Variants in OR2AT4 observed in about 807,000 individuals in gnomAD.
OR2AT4 encodes olfactory receptor 2AT4.
OR2AT4 carries 6 observed loss-of-function variants against 10.3 expected under a neutral mutation model. That is an observed-to-expected ratio of 0.58 (90% CI 0.32 to 1.15). The LOEUF (loss-of-function observed/expected upper bound fraction) is 1.15. Among genes scored for constraint, OR2AT4 ranks in the 50% most tolerant of loss-of-function variants. The probability of loss-of-function intolerance (pLI) is 0.05; values close to 1 mark genes in which losing one functional copy is unlikely to be tolerated. For missense variants in OR2AT4, 354 were observed against 393.8 expected (o/e 0.90, Z 0.85); for synonymous variants, 145 against 159.1 (o/e 0.91, Z 0.67).
exon 2 of OR2AT4, chr11:75,089,262 G>A: frequency 2.5e-6 from 4 of 1,614,204 alleles, no homozygotes; most frequent in Non-Finnish European, 3.4e-6. Flanking sequence ...CCAGGCACTG[G>A]CTGCCAAGGT....
exon 2 of OR2AT4, chr11:75,084,804 G>A (rs1371028228): frequency 6.6e-6 from 1 of 152,118 alleles, no homozygotes; most frequent in African/African-American, 2.4e-5. Flanking sequence ...CAATTAGGAT[G>A]TTTTAGGGGA....
chr11:75,088,541 T>C (rs2140278838), exon 2 of OR2AT4: 1 of 401,688 alleles, frequency 2.5e-6, no homozygotes. Context: ...TTTATTTGTT[T>C]TTTGACTTTG....
exon 2 of OR2AT4, chr11:75,081,914 AT>A (rs1192708474): frequency 1.3e-5 from 2 of 152,224 alleles, no homozygotes; most frequent in African/African-American, 4.8e-5. Flanking sequence ...ATGCTCATGA[AT>A]TGGAAGAATC....
rs951829161 is a variant in OR2AT4 at position 75,089,930 on chromosome 11, T to G, written c.-217A>C. On this transcript the variant is annotated 5_prime_UTR_variant, in exon 2 of 2. Transcript: ENST00000641504. ...TGTGAACGCAAAATTTGTCAAATAT[T>G]GATTATTAATTAATTAATAACCAAC... The G allele has an allele frequency of 7.7e-6, 4 of 517,954 alleles. No individual in the cohort carries two copies. In the Admixed American group the frequency reaches 1.4e-4, roughly 18 times the overall value. 32.1% of individuals were successfully genotyped at this position (517,954 alleles called of 1,614,324 possible). A position where few individuals can be genotyped will look rare whatever the true frequency, so the allele number is the denominator to read the frequency against.
chr11:75,089,015 G>T, exon 2 of OR2AT4: 1 of 1,614,188 alleles, frequency 6.2e-7, no homozygotes, highest in Middle Eastern at 1.6e-4. Flanking sequence ...CTAGGGAACT[G>T]ATGCGAAGCA....
chr11:75,089,190 C>T (rs755525401), exon 2 of OR2AT4: 6 of 1,614,018 alleles, frequency 3.7e-6, no homozygotes, highest in Non-Finnish European at 5.1e-6. Context: ...GTAGGCAATG[C>T]TGTTATATGC....
At chr11:75,095,324 C>T (rs1054525516) in intron 1 of OR2AT4, among the ~76,000 whole-genome samples, 1 of 152,222 alleles carries the variant, frequency 6.6e-6, no homozygotes, top group Admixed American at 6.5e-5. Flanking sequence ...ATGGCAACTC[C>T]TTGCTCTTGC....
chr11:75,093,804 CT>C (rs1166766222), intron 1 of OR2AT4, among the ~76,000 whole-genome samples: 2 of 88,372 alleles, frequency 2.3e-5, no homozygotes, highest in African/African-American at 8.4e-5. Flanking sequence ...TTTTCTTTTT[CT>C]TTTTCTTTTT....
exon 2 of OR2AT4, chr11:75,083,273 T>C (rs1157792712): frequency 1.3e-5 from 2 of 152,018 alleles, no homozygotes; most frequent in African/African-American, 2.4e-5. Context: ...AGAAGACATA[T>C]AAGCAGCCAA....
At chr11:75,085,033 T>A (rs1347746642) in exon 2 of OR2AT4, 2 of 151,810 alleles carry the variant, frequency 1.3e-5, no homozygotes, top group African/African-American at 4.8e-5. Context: ...ATATAAAGAT[T>A]AGAGGAAGAA....
chr11:75,086,799 A>G (rs1949293199), exon 2 of OR2AT4: 1 of 152,208 alleles, frequency 6.6e-6, no homozygotes, highest in Non-Finnish European at 1.5e-5. Context: ...TGTATCCACC[A>G]TTATAGTATC....
At chr11:75,093,839 T>G (rs1949333190) in intron 1 of OR2AT4, among the ~76,000 whole-genome samples, 1 of 91,802 alleles carries the variant, frequency 1.1e-5, no homozygotes. Context: ...TTTTTTTTTT[T>G]GAGACAGAGT....
At chr11:75,094,844 C>G (rs145915803) in intron 1 of OR2AT4, among the ~76,000 whole-genome samples, 58 of 152,346 alleles carry the variant, frequency 3.8e-4, no homozygotes, top group Non-Finnish European at 5.1e-4. Context: ...CCCAATTACA[C>G]AAGCAGGAAA....
At chr11:75,095,274 C>A (rs1348678527) in intron 1 of OR2AT4, among the ~76,000 whole-genome samples, 3 of 152,204 alleles carry the variant, frequency 2.0e-5, no homozygotes, top group African/African-American at 7.2e-5. Flanking sequence ...CTATTCAAAG[C>A]CTGTCTTCTT....
chr11:75,089,612 A>T (rs751140996), exon 2 of OR2AT4: 1 of 1,614,076 alleles, frequency 6.2e-7, no homozygotes, highest in East Asian at 2.2e-5. Flanking sequence ...GGAGGAAAAT[A>T]AAAAACACAG....
exon 2 of OR2AT4, chr11:75,082,177 C>T (rs1949269869): frequency 6.6e-6 from 1 of 152,112 alleles, no homozygotes; most frequent in African/African-American, 2.4e-5. Flanking sequence ...TAAGAACAGA[C>T]ACATAGACCA....
At chr11:75,088,737 G>T (rs368556876) in exon 2 of OR2AT4, 5 of 1,542,548 alleles carry the variant, frequency 3.2e-6, no homozygotes, top group Non-Finnish European at 3.5e-6. Flanking sequence ...AGCAGAGTTA[G>T]CTGCATTTAA....
At position 75,095,649 on chromosome 11, in the gene OR2AT4, T is replaced by G. The variant is rs77107803; in HGVS notation, c.-652+1179A>C. Among the ~76,000 whole-genome samples the G allele has an allele frequency of 5.8e-3, 886 of 151,628 alleles. 6 individuals are homozygous for G. Among genetic ancestry groups the G allele is most frequent in the African/African-American group, 0.02 (840 of 41,384 alleles). ...CATCAAATAGGAATGAAGGGGCCAT[T>G]AGTGATTAAATAGTTTTCACCTAAC... On this transcript the variant is annotated intron_variant, in intron 1 of 1. Coordinates refer to ENST00000641504, the Ensembl canonical transcript of OR2AT4.
At chr11:75,092,018 A>G (rs1197297781) in intron 1 of OR2AT4, among the ~76,000 whole-genome samples, 1 of 152,224 alleles carries the variant, frequency 6.6e-6, no homozygotes, top group African/African-American at 2.4e-5. Context: ...TGTATCCAGT[A>G]TATATAAAAA....
Sources: allele counts gnomAD v4.1 joint callset (sites outside exome capture counted in the v4.1 genomes callset), GRCh38; gene constraint gnomAD v4.1.1; transcripts MANE v1.5; gene names NCBI Gene and HGNC (gene_info 2026-07-23, HGNC 2026-07-21).